The following SLC44A1 variants were observed in gnomAD, a reference collection of about 807,000 sequenced individuals.
SLC44A1 encodes solute carrier family 44 member 1.
SLC44A1 carries 26 observed loss-of-function variants against 79.3 expected under a neutral mutation model. The observed-to-expected ratio is 0.33, with a 90% CI of 0.24 to 0.46. The LOEUF (loss-of-function observed/expected upper bound fraction) is 0.46. Ranked by LOEUF, SLC44A1 falls within the 20% of genes least tolerant of loss-of-function variation. SLC44A1 has a pLI of 1.00. For missense variants in SLC44A1, 688 were observed against 798.1 expected, an observed-to-expected ratio of 0.86 and a Z score of 1.66; for synonymous variants, 263 against 286.2, an observed-to-expected ratio of 0.92 and a Z score of 0.82.
chr9:105,336,437 C>T (rs1167129177), intron 4 of SLC44A1, among the ~76,000 whole-genome samples: 1 of 152,184 alleles, frequency 6.6e-6, no homozygotes. Flanking sequence ...GGCATTTTAT[C>T]TCTAGTACCA....
At chr9:105,407,536 A>T (rs1820114273) in intron 15 of SLC44A1, among the ~76,000 whole-genome samples, 1 of 152,210 alleles carries the variant, frequency 6.6e-6, no homozygotes, top group South Asian at 2.1e-4. Flanking sequence ...GTTAATCAAG[A>T]ATCCTGTATT....
In SLC44A1 at chr9:105,397,134, C is replaced by T; in HGVS notation, c.*8078C>T. On this transcript the variant is annotated 3_prime_UTR_variant, in exon 16 of 16. Transcript: ENST00000374720. ...CAAGAGCTCTGAATTGGATGGAATT[C>T]CATCTGGCTTCAGAGAACAATCAGC... 1.0e-6 allele frequency: 1 copy of T among 985,366 alleles called. No individual in the cohort carries two copies. The highest frequency in any genetic ancestry group is 1.2e-6 in the Non-Finnish European group (1 of 829,916). 61.0% of individuals were successfully genotyped at this position (985,366 alleles called of 1,614,324 possible).
At chr9:105,373,611 T>C (rs1208225919) in intron 12 of SLC44A1, among the ~76,000 whole-genome samples, 1 of 151,748 alleles carries the variant, frequency 6.6e-6, no homozygotes, top group Non-Finnish European at 1.5e-5. Flanking sequence ...AGCAATTTAT[T>C]AGCTTCTATA....
intron 1 of SLC44A1, among the ~76,000 whole-genome samples, chr9:105,286,732 G>A (rs546444885): frequency 1.3e-5 from 2 of 152,284 alleles, no homozygotes; most frequent in Non-Finnish European, 2.9e-5. Flanking sequence ...AGAGGCCAGG[G>A]CAGGAGGATC....
At chr9:105,344,331 A>G (rs970279388) in intron 4 of SLC44A1, among the ~76,000 whole-genome samples, 1 of 152,294 alleles carries the variant, frequency 6.6e-6, no homozygotes, top group Non-Finnish European at 1.5e-5. Flanking sequence ...TTGGTTCACA[A>G]TTAAAAGTGC....
At chr9:105,253,691 G>A (rs1829638799) in intron 1 of SLC44A1, among the ~76,000 whole-genome samples, 1 of 152,124 alleles carries the variant, frequency 6.6e-6, no homozygotes, top group South Asian at 2.1e-4. Flanking sequence ...CTATGATCGT[G>A]CCTGTATTCC....
rs1172661328 is a variant in SLC44A1, at chr9:105,390,847, A to G, written c.*1791A>G. 5 of 985,676 alleles carry G rather than the reference A, an allele frequency of 5.1e-6. No individual in the cohort carries two copies. The highest frequency in any genetic ancestry group is 6.2e-5 in the Admixed American group (1 of 16,248). 61.1% of individuals were successfully genotyped at this position (985,676 alleles called of 1,614,324 possible). On this transcript the variant is annotated 3_prime_UTR_variant, in exon 16 of 16. Transcript: ENST00000374720. ...AGATCTGGGAAACCAACATTGCGAG[A>G]GTAGCTATTTTGAAAGAATAATTCT... is the stretch of plus-strand genomic sequence containing the variant.
intron 3 of SLC44A1, among the ~76,000 whole-genome samples, chr9:105,311,558 A>G (rs752004009): frequency 1.3e-5 from 2 of 152,124 alleles, no homozygotes; most frequent in African/African-American, 4.8e-5. Context: ...GGATTATTCT[A>G]TGTACCTTTC....
At chr9:105,319,570 T>A (rs7028183) in intron 3 of SLC44A1, among the ~76,000 whole-genome samples, 10,671 of 152,114 alleles carry the variant, frequency 0.07, 918 homozygotes, top group African/African-American at 0.21. Context: ...GATCCCAAAC[T>A]CTTAATCTAA....
In SLC44A1 at chr9:105,396,044, T is replaced by C; in HGVS notation, c.*6988T>C. 1 of 985,418 alleles carries C rather than the reference T, an allele frequency of 1.0e-6. No individual in the cohort carries two copies. Among genetic ancestry groups the C allele is most frequent in the Non-Finnish European group, 1.2e-6 (1 of 829,942 alleles). The allele number at this position is 985,418 out of a possible 1,614,324, so 61.0% of individuals were successfully genotyped here. On this transcript the variant is annotated 3_prime_UTR_variant, in exon 16 of 16. Transcript: ENST00000374720. ...GGTTCCTGTAGTCTGTGCTCAGAAC[T>C]TGGTTTTTGGCCCCTATTGTTTTTG...
At chr9:105,353,114 A>G (rs1436542389) in intron 5 of SLC44A1, among the ~76,000 whole-genome samples, 3 of 152,210 alleles carry the variant, frequency 2.0e-5, no homozygotes, top group Non-Finnish European at 4.4e-5. Context: ...TATCAGCTAG[A>G]CAATGTAGTT....
chr9:105,293,589 AC>A (rs1005702274), intron 1 of SLC44A1, among the ~76,000 whole-genome samples: 8 of 152,166 alleles, frequency 5.3e-5, no homozygotes, highest in African/African-American at 1.9e-4. Context: ...TAATTGCCAG[AC>A]CTTTTCTACT....
intron 3 of SLC44A1, among the ~76,000 whole-genome samples, chr9:105,325,449 A>G (rs992846180): frequency 6.6e-6 from 1 of 152,224 alleles, no homozygotes; most frequent in African/African-American, 2.4e-5. Flanking sequence ...TCTTATAATT[A>G]TGGAGGTTGA....
intron 9 of SLC44A1, among the ~76,000 whole-genome samples, chr9:105,363,280 A>G (rs1827838479): frequency 6.6e-6 from 1 of 152,052 alleles, no homozygotes; most frequent in Admixed American, 6.6e-5. Context: ...CTTCTGCCTC[A>G]GCCTCCTGAG....
At position 105,391,026 on chromosome 9, in the gene SLC44A1, C is replaced by T; in HGVS notation, c.*1970C>T. On this transcript the variant is annotated 3_prime_UTR_variant, in exon 16 of 16. Coordinates refer to ENST00000374720, the MANE Select transcript of SLC44A1 (RefSeq NM_080546.5). The stretch of plus-strand genomic sequence containing the variant: ...ATTCAGAATACCATCTGTTTCATAG[C>T]CGCACAGATTTTGGACTTTCACAAA... 2.0e-6 allele frequency: 2 copies of T among 985,532 alleles called. No individual in the cohort carries two copies. Among genetic ancestry groups the T allele is most frequent in the African/African-American group, 3.5e-5 (2 of 57,304 alleles). 61.0% of individuals were successfully genotyped at this position (985,532 alleles called of 1,614,324 possible).
intron 1 of SLC44A1, among the ~76,000 whole-genome samples, chr9:105,261,712 T>C (rs945315100): frequency 1.3e-5 from 2 of 151,566 alleles, no homozygotes; most frequent in African/African-American, 4.8e-5. Context: ...AGGGAGATGC[T>C]ACGGAGGGGT....
chr9:105,245,656 T>C (rs1829422848), intron 1 of SLC44A1, among the ~76,000 whole-genome samples: 1 of 152,230 alleles, frequency 6.6e-6, no homozygotes, highest in African/African-American at 2.4e-5. Flanking sequence ...TCCCTCTTTG[T>C]TGCCAGTGTA....
intron 14 of SLC44A1, 151 bp downstream of exon 14, chr9:105,383,510 A>G (rs1828539933): frequency 1.6e-6 from 1 of 618,068 alleles, no homozygotes; most frequent in Non-Finnish European, 2.8e-6. Flanking sequence ...AGGTTAATCT[A>G]GGGTAAGTCA....
intron 1 of SLC44A1, among the ~76,000 whole-genome samples, chr9:105,259,505 C>G (rs1829793072): frequency 6.6e-6 from 1 of 152,142 alleles, no homozygotes. Flanking sequence ...GGCAGAGATT[C>G]CTACCATCAG....
Sources: gnomAD v4.1 joint callset for allele counts (sites outside exome capture counted in the v4.1 genomes callset) on GRCh38, gnomAD v4.1.1 for gene constraint, MANE v1.5 for transcripts, NCBI Gene and HGNC (gene_info 2026-07-23, HGNC 2026-07-21) for gene names.